Variants in LDB2 observed in about 807,000 individuals in gnomAD.
LDB2 encodes the protein LIM domain binding 2.
In LDB2, 12 loss-of-function variants were observed where a neutral mutation model predicts 44.3. The ratio of observed to expected loss-of-function variants is 0.27; its 90% CI spans 0.17 to 0.44. The LOEUF is 0.44. LDB2 is among the 20% of genes least tolerant of loss of function. LDB2 has a pLI of 1.00. For synonymous variants in LDB2, 164 were observed against 174.8 expected (o/e 0.94, Z 0.49); for missense variants, 344 against 473.5 (o/e 0.73, Z 2.54).
chr4:16,539,650 A>G lies in LDB2; in HGVS notation c.616-27546T>C, dbSNP rs145336241. On this transcript the variant is annotated intron_variant, in intron 5 of 7. Transcript: ENST00000304523. ...CAAGTGATTACATAAACTTGTGCCA[A>G]ATTTATTCAGTTACTCCCCCAAAAG... Among the ~76,000 whole-genome samples, 18 of 152,264 alleles carry G rather than the reference A, an allele frequency of 1.2e-4. No individual in the cohort carries two copies. The East Asian group carries it at 3.3e-3, about 28-fold the overall frequency.
intron 2 of LDB2, among the ~76,000 whole-genome samples, chr4:16,743,016 G>A (rs1327957832): frequency 6.6e-6 from 1 of 152,118 alleles, no homozygotes; most frequent in African/African-American, 2.4e-5. Context: ...AGGGCCAGGT[G>A]TGGTGGCTCA....
At chr4:16,763,064 T>A (rs1768282700) in intron 1 of LDB2, among the ~76,000 whole-genome samples, 1 of 137,852 alleles carries the variant, frequency 7.3e-6, no homozygotes, top group Admixed American at 7.9e-5. Context: ...ATGGGCACAT[T>A]AGGTAACACC....
intron 5 of LDB2, among the ~76,000 whole-genome samples, chr4:16,529,770 T>A (rs1729505978): frequency 6.6e-6 from 1 of 152,194 alleles, no homozygotes; most frequent in South Asian, 2.1e-4. Flanking sequence ...CTGTTTCTGT[T>A]CTAGCCCGTA....
chr4:16,833,787 C>T (rs931839964), intron 1 of LDB2, among the ~76,000 whole-genome samples: 8 of 152,112 alleles, frequency 5.3e-5, no homozygotes, highest in Admixed American at 1.3e-4. Context: ...GTGATCCACC[C>T]GCTTTAGCTC....
chr4:16,516,479 T>C (rs1175666115), intron 5 of LDB2, among the ~76,000 whole-genome samples: 2 of 152,204 alleles, frequency 1.3e-5, no homozygotes, highest in African/African-American at 4.8e-5. Context: ...ACACAATCTC[T>C]GCCCTTAGAG....
intron 1 of LDB2, among the ~76,000 whole-genome samples, chr4:16,769,475 T>A (rs927764209): frequency 4.6e-5 from 7 of 151,976 alleles, no homozygotes; most frequent in Non-Finnish European, 1.0e-4. Flanking sequence ...TTTTGTATTT[T>A]TAGTAGAAAC....
intron 2 of LDB2, among the ~76,000 whole-genome samples, chr4:16,604,301 A>G (rs1389868048): frequency 6.6e-6 from 1 of 152,088 alleles, no homozygotes; most frequent in Non-Finnish European, 1.5e-5. Context: ...ATTTAACTGA[A>G]TATTCATTAA....
chr4:16,623,457 C>T (rs1729427972), intron 2 of LDB2, among the ~76,000 whole-genome samples: 1 of 152,134 alleles, frequency 6.6e-6, no homozygotes, highest in African/African-American at 2.4e-5. Context: ...ATTAGCCAGG[C>T]GTGGTGCCAC....
At chr4:16,814,861 GAAA>G (rs1171042212) in intron 1 of LDB2, among the ~76,000 whole-genome samples, 65 of 152,294 alleles carry the variant, frequency 4.3e-4, no homozygotes, top group African/African-American at 1.4e-3. Flanking sequence ...CCTGGGTCCT[GAAA>G]ATAGAGTGAG....
At chr4:16,673,881 A>G (rs1745557056) in intron 2 of LDB2, among the ~76,000 whole-genome samples, 1 of 152,210 alleles carries the variant, frequency 6.6e-6, no homozygotes, top group Non-Finnish European at 1.5e-5. Flanking sequence ...GGATATAAAT[A>G]TCAAAATGAG....
chr4:16,711,358 G>A (rs772544777), intron 2 of LDB2, among the ~76,000 whole-genome samples: 12 of 152,218 alleles, frequency 7.9e-5, no homozygotes, highest in East Asian at 5.8e-4. Flanking sequence ...GCTCTCTCGC[G>A]TGCTCAAAGA....
chr4:16,762,480 G>T (rs541254144), intron 1 of LDB2, among the ~76,000 whole-genome samples: 2 of 152,248 alleles, frequency 1.3e-5, no homozygotes, highest in East Asian at 3.9e-4. Flanking sequence ...CAGCATGGCT[G>T]GGGAGGCCTC....
chr4:16,680,058 G>A (rs1747414121), intron 2 of LDB2, among the ~76,000 whole-genome samples: 1 of 152,102 alleles, frequency 6.6e-6, no homozygotes, highest in South Asian at 2.1e-4. Flanking sequence ...GGGACCTTTG[G>A]GAGGTGATTA....
chr4:16,578,056 A>C (rs1022532710), intron 5 of LDB2, among the ~76,000 whole-genome samples: 1 of 152,160 alleles, frequency 6.6e-6, no homozygotes, highest in Non-Finnish European at 1.5e-5. Flanking sequence ...CATATACAAA[A>C]ATCAAATAAA....
chr4:16,695,551 C>T (rs989584200), intron 2 of LDB2, among the ~76,000 whole-genome samples: 1 of 151,892 alleles, frequency 6.6e-6, no homozygotes, highest in Non-Finnish European at 1.5e-5. Context: ...TATATCTCAA[C>T]ATTTTTTAGC....
chr4:16,512,152 A>G, intron 5 of LDB2, 48 bp from the exon 6 acceptor site: 1 of 1,484,398 alleles, frequency 6.7e-7, no homozygotes, highest in African/African-American at 1.4e-5. Flanking sequence ...CATAACACTA[A>G]TTACAATAAA....
At chr4:16,621,454 C>T (rs1728844130) in intron 2 of LDB2, among the ~76,000 whole-genome samples, 1 of 152,174 alleles carries the variant, frequency 6.6e-6, no homozygotes, top group Non-Finnish European at 1.5e-5. Context: ...ATAAAAATTG[C>T]CTCCACCTCA....
At chr4:16,609,540 G>T (rs1725031861) in intron 2 of LDB2, among the ~76,000 whole-genome samples, 1 of 152,194 alleles carries the variant, frequency 6.6e-6, no homozygotes, top group South Asian at 2.1e-4. Flanking sequence ...TGGACAGCTT[G>T]GTCCCAAGAC....
intron 2 of LDB2, among the ~76,000 whole-genome samples, chr4:16,721,276 G>A (rs547755): frequency 0.98 from 149,907 of 152,244 alleles, 73,839 homozygotes; most frequent in Middle Eastern, 1. Flanking sequence ...ATCAGGGTCA[G>A]TTCTTAATTA....
Sources: allele counts gnomAD v4.1 joint callset (sites outside exome capture counted in the v4.1 genomes callset), GRCh38; gene constraint gnomAD v4.1.1; transcripts MANE v1.5; gene names NCBI Gene and HGNC (gene_info 2026-07-23, HGNC 2026-07-21).